Variants in GRID2 observed in about 807,000 individuals in gnomAD.
GRID2 encodes glutamate ionotropic receptor delta type subunit 2.
Under a neutral mutation model 114.8 loss-of-function variants are expected in GRID2, and 33 were observed. The observed-to-expected ratio is 0.29, with a 90% CI of 0.22 to 0.38. GRID2 has a LOEUF of 0.38. GRID2 is among the 10% of genes least tolerant of loss of function. The pLI is 1.00. For synonymous variants in GRID2, 505 were observed against 449.9 expected (o/e 1.12, Z -1.55); for missense variants, 1,184 against 1,257.7 (o/e 0.94, Z 0.89).
chr4:93,669,562 G>GTAA (rs1724228105), intron 14 of GRID2, among the ~76,000 whole-genome samples: 1 of 152,100 alleles, frequency 6.6e-6, no homozygotes. Flanking sequence ...GAAACTCACT[G>GTAA]TAATATATTC....
At chr4:92,376,232 C>T (rs575759785) in intron 1 of GRID2, among the ~76,000 whole-genome samples, 159 of 152,108 alleles carry the variant, frequency 1.0e-3, no homozygotes, top group Non-Finnish European at 1.6e-3. Context: ...ATGGCATGAA[C>T]CCGGGAGGCA....
intron 11 of GRID2, among the ~76,000 whole-genome samples, chr4:93,456,351 TG>T: frequency 6.6e-6 from 1 of 152,346 alleles, no homozygotes; most frequent in South Asian, 2.1e-4. Flanking sequence ...TATTTACATA[TG>T]TAAGAAATGT....
intron 13 of GRID2, among the ~76,000 whole-genome samples, chr4:93,583,027 G>A (rs1389188915): frequency 2.6e-5 from 4 of 152,088 alleles, no homozygotes; most frequent in Non-Finnish European, 5.9e-5. Context: ...CCATCTTCTG[G>A]TGGCTCCAGG....
chr4:92,846,940 GA>G (rs1743371223), intron 2 of GRID2, among the ~76,000 whole-genome samples: 1 of 152,058 alleles, frequency 6.6e-6, no homozygotes, highest in Admixed American at 6.6e-5. Context: ...ATCCTAAGGA[GA>G]CAATCTGTCT....
chr4:92,796,953 G>T (rs1016456966), intron 2 of GRID2, among the ~76,000 whole-genome samples: 5 of 151,800 alleles, frequency 3.3e-5, no homozygotes, highest in African/African-American at 9.7e-5. Context: ...TCAAAAAGTG[G>T]AAGGTATTTT....
At chr4:93,021,919 C>T (rs1310924912) in intron 2 of GRID2, among the ~76,000 whole-genome samples, 2 of 149,990 alleles carry the variant, frequency 1.3e-5, no homozygotes, top group African/African-American at 4.9e-5. Flanking sequence ...AGCTTCAACT[C>T]TGGAGAGAGG....
At chr4:93,106,385 T>G (rs1732233867) in intron 3 of GRID2, among the ~76,000 whole-genome samples, 1 of 152,144 alleles carries the variant, frequency 6.6e-6, no homozygotes, top group African/African-American at 2.4e-5. Context: ...CCCCCTCTGT[T>G]GCCCAGGCTG....
chr4:92,935,582 A>G (rs970796606), intron 2 of GRID2, among the ~76,000 whole-genome samples: 7 of 146,772 alleles, frequency 4.8e-5, no homozygotes, highest in African/African-American at 1.5e-4. Flanking sequence ...AAACACACAC[A>G]CACGTATGTT....
chr4:93,338,073 T>C (rs77615308), intron 8 of GRID2, among the ~76,000 whole-genome samples: 6,165 of 152,266 alleles, frequency 0.04, 173 homozygotes, highest in Middle Eastern at 0.078. Flanking sequence ...TTGGTTGATA[T>C]ATTTTGTTTA....
intron 8 of GRID2, among the ~76,000 whole-genome samples, chr4:93,301,560 C>CA (rs745993806): frequency 5.3e-5 from 8 of 151,850 alleles, no homozygotes; most frequent in Non-Finnish European, 1.0e-4. Flanking sequence ...ATGATAATAT[C>CA]AAAAAAACAG....
In GRID2 at chr4:92,939,656, A is replaced by G. The variant is rs1179161709; in HGVS notation, c.245-145339A>G. 2.0e-5 allele frequency among the ~76,000 whole-genome samples: 3 copies of G among 147,114 alleles called. 1 individual carries two copies. The highest frequency in any genetic ancestry group is 4.5e-5 in the Non-Finnish European group (3 of 66,502). ...GTCCTTGCCCATGCCTATGTCCTGA[A>G]TGGTATTGCCTAGGTTTTTGTCTAG... On this transcript the variant is annotated intron_variant, in intron 2 of 15. Transcript: ENST00000282020.
intron 1 of GRID2, among the ~76,000 whole-genome samples, chr4:92,317,925 T>A (rs1296989394): frequency 2.0e-5 from 3 of 152,202 alleles, no homozygotes. Flanking sequence ...TTATGGTGAT[T>A]TTTAAAAATA....
intron 2 of GRID2, among the ~76,000 whole-genome samples, chr4:92,903,012 G>C (rs1393076483): frequency 6.6e-6 from 1 of 151,554 alleles, no homozygotes; most frequent in East Asian, 1.9e-4. Context: ...TTTTCTTTTT[G>C]CTTAGGATCG....
At chr4:93,795,588 G>A (rs1734780280) in intron 1 of GRID2, among the ~76,000 whole-genome samples, 1 of 151,924 alleles carries the variant, frequency 6.6e-6, no homozygotes, top group South Asian at 2.1e-4. Flanking sequence ...TTATTGCTTG[G>A]TATAATTTTT....
Position 93,028,157 on chromosome 4 carries a change from C to T in GRID2, c.245-56838C>T, listed in dbSNP as rs73837380. On this transcript the variant is annotated intron_variant, in intron 2 of 15. Coordinates refer to ENST00000282020, the MANE Select transcript of GRID2 (RefSeq NM_001510.4). ...ATGAGAACAAAATGAATAAATTAGA[C>T]GCAGTCCATGAGCTCTTGAAGCTTA... is the stretch of plus-strand genomic sequence containing the variant. Among the ~76,000 whole-genome samples the T allele has an allele frequency of 8.9e-3, 1,353 of 152,204 alleles. 25 individuals are homozygous for T. Among genetic ancestry groups the T allele is most frequent in the African/African-American group, 0.031 (1,285 of 41,518 alleles).
chr4:93,332,601 A>G lies in GRID2; in HGVS notation c.1246-63006A>G, dbSNP rs1035955566. On this transcript the variant is annotated intron_variant, in intron 8 of 15. Transcript: ENST00000282020. Reference sequence around the variant, plus strand: ...TCTACAAGAGAGCTGTTCATAAAGAAATTTGTTATAATGTTATATTAGCAA... The same window carrying G: ...TCTACAAGAGAGCTGTTCATAAAGAGATTTGTTATAATGTTATATTAGCAA... Among the ~76,000 whole-genome samples, 22 of 152,120 alleles carry G rather than the reference A, an allele frequency of 1.4e-4. 1 individual carries two copies. Among genetic ancestry groups the G allele is most frequent in the African/African-American group, 5.3e-4 (22 of 41,416 alleles).
At position 93,006,832 on chromosome 4, in the gene GRID2, G is replaced by GA. The variant is rs1011248737; in HGVS notation, c.245-78154dup. 4.5e-4 allele frequency among the ~76,000 whole-genome samples: 64 copies of GA among 142,850 alleles called. No homozygotes were observed. The East Asian group carries it at 0.01, about 23-fold the overall frequency. 93.7% of individuals were successfully genotyped at this position (142,850 alleles called of 152,430 possible). On this transcript the variant is annotated intron_variant, in intron 2 of 15. Coordinates refer to ENST00000282020, the MANE Select transcript of GRID2 (RefSeq NM_001510.4). ...CAATACCTATACAAATTTATAGAAA[G>GA]AAAAAAAAACAGACAGCAAAAATTT...
Position 92,796,231 on chromosome 4 carries a change from C to T in GRID2, c.244+205945C>T, listed in dbSNP as rs112511917. Among the ~76,000 whole-genome samples, 12 of 151,904 alleles carry T rather than the reference C, an allele frequency of 7.9e-5. 1 individual carries two copies. Among genetic ancestry groups the T allele is most frequent in the African/African-American group, 2.7e-4 (11 of 41,494 alleles). ...AGAGGCTGAACTAGAGATACTGTGT[C>T]TGGGGGCAAGTAGACCACTTCAACA... On this transcript the variant is annotated intron_variant, in intron 2 of 15. Transcript: ENST00000282020.
chr4:92,907,960 T>A (rs533404118), intron 2 of GRID2, among the ~76,000 whole-genome samples: 15 of 152,090 alleles, frequency 9.9e-5, no homozygotes, highest in African/African-American at 3.6e-4. Flanking sequence ...GAGGCAGAGG[T>A]TGCAGTGAGC....
Sources: gnomAD v4.1 joint callset for allele counts (sites outside exome capture counted in the v4.1 genomes callset) on GRCh38, gnomAD v4.1.1 for gene constraint, MANE v1.5 for transcripts, NCBI Gene and HGNC (gene_info 2026-07-23, HGNC 2026-07-21) for gene names.